Variants in P2RX1 observed in about 807,000 individuals in gnomAD.
The protein encoded by P2RX1 is purinergic receptor P2X 1.
P2RX1 carries 42 observed loss-of-function variants against 50.3 expected under a neutral mutation model. The observed-to-expected ratio is 0.83, with a 90% CI of 0.65 to 1.08. The LOEUF (loss-of-function observed/expected upper bound fraction) is 1.08, where lower values mean the gene tolerates loss of function less well. Ranked by LOEUF, P2RX1 falls within the 50% of genes least tolerant of loss-of-function variation. The pLI, the probability that P2RX1 is intolerant of heterozygous loss-of-function variation, is 0.00. For synonymous variants in P2RX1, 199 were observed against 202.6 expected (o/e 0.98, Z 0.15); for missense variants, 449 against 529.0 (o/e 0.85, Z 1.48).
chr17:3,898,871 A>G, intron 9 of P2RX1, 63 bp downstream of exon 9: 2 of 1,316,464 alleles, frequency 1.5e-6, no homozygotes, highest in East Asian at 2.3e-5. Context: ...GTAGATGCCC[A>G]AAGGTACTCA....
In P2RX1 at chr17:3,903,713, T is replaced by G. The variant is rs1228495115; in HGVS notation, c.525-82A>C. 5 of 1,480,858 alleles carry G rather than the reference T, an allele frequency of 3.4e-6. No individual in the cohort carries two copies. Among genetic ancestry groups the G allele is most frequent in the Non-Finnish European group, 3.8e-6 (4 of 1,064,902 alleles). 91.7% of individuals were successfully genotyped at this position (1,480,858 alleles called of 1,614,324 possible). ...ACACAGAGCTTGGCACAGCAGGGGG[T>G]GGGCCGAGCCTCCGGGACCCGCCTG... On this transcript the variant is annotated intron_variant, in intron 5 of 11. Transcript: ENST00000225538. This position sits in a 1 kb window ranked among gnomAD's most constrained non-coding sequence, Gnocchi z 4.6.
At chr17:3,911,383 T>A (rs1200418956) in intron 1 of P2RX1, among the ~76,000 whole-genome samples, 4 of 152,168 alleles carry the variant, frequency 2.6e-5, no homozygotes, top group African/African-American at 9.7e-5. Context: ...CACTTCCCAC[T>A]TCTCTTGAGA....
rs768159522 is a variant in P2RX1, at chr17:3,903,525, C to G, written c.605+26G>C. ...CGGAGCGGCCCCGGCCAGCTGCCTG[C>G]ATTTCTGCCCGAATTTCCCACGCAC... On this transcript the variant is annotated intron_variant, in intron 6 of 11. Coordinates refer to ENST00000225538, the MANE Select transcript of P2RX1 (RefSeq NM_002558.4). The surrounding 1 kb of genome is among the most constrained non-coding windows in gnomAD (Gnocchi z 4.6). The G allele has an allele frequency of 5.0e-6, 8 of 1,611,424 alleles. No homozygotes were observed. In the Admixed American group the frequency reaches 1.3e-4, roughly 27 times the overall value.
intron 1 of P2RX1, among the ~76,000 whole-genome samples, chr17:3,911,818 A>T (rs2056370246): frequency 6.6e-6 from 1 of 152,050 alleles, no homozygotes; most frequent in Admixed American, 6.6e-5. Flanking sequence ...CTTGGTTCAC[A>T]CTGTGTCCCG....
In P2RX1 at chr17:3,897,925, G is replaced by T. The variant is rs35119544; in HGVS notation, c.1135-46C>A. The T allele has an allele frequency of 3.1e-4, 493 of 1,611,642 alleles. No homozygotes were observed. In the African/African-American group the frequency reaches 5.8e-3, roughly 19 times the overall value. ...TTGGGGGATACAAGTCAGTGCTGGG[G>T]AAGCAGCTGCCCACGCCCCCCACCC... On this transcript the variant is annotated intron_variant, in intron 11 of 11. Coordinates refer to ENST00000225538, the MANE Select transcript of P2RX1 (RefSeq NM_002558.4).
In P2RX1 at chr17:3,897,999, G is replaced by T. The variant is rs200112505; in HGVS notation, c.1134+10C>A. ...GCCTTCGAAGGGCCTGGCTCGGGGG[G>T]TTCTCTTACCGCCCCTGGCCCCATG... On this transcript the variant is annotated intron_variant, in intron 11 of 11. Transcript: ENST00000225538. 1.2e-5 allele frequency: 20 copies of T among 1,613,154 alleles called. No homozygotes were observed. The highest frequency in any genetic ancestry group is 1.4e-5 in the Non-Finnish European group (17 of 1,179,424).
chr17:3,904,784 C>T, intron 3 of P2RX1, 74 bp downstream of exon 3: 1 of 1,177,482 alleles, frequency 8.5e-7, no homozygotes, highest in Non-Finnish European at 1.2e-6. Flanking sequence ...CCCTCCAGTG[C>T]CCCTGGAGAC....
chr17:3,912,064 T>A (rs1374022522), intron 1 of P2RX1, among the ~76,000 whole-genome samples: 1 of 152,138 alleles, frequency 6.6e-6, no homozygotes, highest in African/African-American at 2.4e-5. Context: ...TTCACCACTG[T>A]GAAGACAGAG....
Position 3,897,406 on chromosome 17 carries a change from A to G in P2RX1, c.*408T>C, listed in dbSNP as rs1312305991. The G allele has an allele frequency of 1.1e-5, 3 of 282,872 alleles. No homozygotes were observed. The highest frequency in any genetic ancestry group is 4.5e-5 in the Admixed American group (1 of 22,398). 17.5% of individuals were successfully genotyped at this position (282,872 alleles called of 1,614,324 possible). On this transcript the variant is annotated 3_prime_UTR_variant, in exon 12 of 12. Transcript: ENST00000225538. ...GCCGAGGAATTGAATTTTGTGTTTC[A>G]TTCTATTTTATTTTAGTTTAATTTA...
Position 3,914,939 on chromosome 17 carries a change from G to A in P2RX1, c.137+1150C>T, listed in dbSNP as rs1567660068. Among the ~76,000 whole-genome samples the A allele has an allele frequency of 1.3e-5, 2 of 152,144 alleles. No homozygotes were observed. The highest frequency in any genetic ancestry group is 2.4e-5 in the African/African-American group (1 of 41,434). On this transcript the variant is annotated intron_variant, in intron 1 of 11. Transcript: ENST00000225538. The surrounding 1 kb of genome is among the most constrained non-coding windows in gnomAD (Gnocchi z 4.1). ...CACCTGGCCGGCTCTGAGGTTCTGG[G>A]GACTGGTGGGACAGAAGGAGGGCTC...
Position 3,903,059 on chromosome 17 carries a change from G to A in P2RX1, c.747+143C>T. 1 of 1,138,272 alleles carries A rather than the reference G, an allele frequency of 8.8e-7. No individual in the cohort carries two copies. The highest frequency in any genetic ancestry group is 1.3e-6 in the Non-Finnish European group (1 of 787,374). The allele number at this position is 1,138,272 out of a possible 1,614,324, so 70.5% of individuals were successfully genotyped here. Reference sequence around the variant, plus strand: ...GCTGAAGACATGGATCTGACGCTCAGGGGGCCCCAGTATCAGGGGACAGAC... The same window carrying A: ...GCTGAAGACATGGATCTGACGCTCAAGGGGCCCCAGTATCAGGGGACAGAC... On this transcript the variant is annotated intron_variant, in intron 7 of 11. Coordinates refer to ENST00000225538, the MANE Select transcript of P2RX1 (RefSeq NM_002558.4). This position sits in a 1 kb window ranked among gnomAD's most constrained non-coding sequence, Gnocchi z 4.6.
intron 7 of P2RX1, among the ~76,000 whole-genome samples, chr17:3,900,189 G>A (rs1338744724): frequency 3.3e-5 from 5 of 150,410 alleles, no homozygotes; most frequent in South Asian, 2.1e-4. Context: ...GTGGTGGCTC[G>A]CACCTGTAAT....
chr17:3,912,213 C>G (rs2056377411), intron 1 of P2RX1, among the ~76,000 whole-genome samples: 1 of 152,214 alleles, frequency 6.6e-6, no homozygotes. Flanking sequence ...CTTACTCCTC[C>G]TGTGTCTTCA....
intron 7 of P2RX1, among the ~76,000 whole-genome samples, chr17:3,900,035 A>G (rs550081351): frequency 7.2e-5 from 11 of 152,236 alleles, no homozygotes; most frequent in African/African-American, 2.6e-4. Context: ...TGGGAGGCGG[A>G]GGTTGCAGTG....
chr17:3,909,477 C>T (rs1003427608), intron 1 of P2RX1, among the ~76,000 whole-genome samples: 2 of 152,198 alleles, frequency 1.3e-5, no homozygotes, highest in African/African-American at 4.8e-5. Flanking sequence ...TGAGCTGCCT[C>T]AGACACGCTG....
chr17:3,904,616 G>T, intron 3 of P2RX1: 1 of 631,584 alleles, frequency 1.6e-6, no homozygotes, highest in Non-Finnish European at 2.8e-6. Flanking sequence ...GCCAATGTCA[G>T]CTGGGCGGTG....
chr17:3,913,745 G>A (rs922489038), intron 1 of P2RX1, among the ~76,000 whole-genome samples: 3 of 152,302 alleles, frequency 2.0e-5, no homozygotes, highest in South Asian at 2.1e-4. Flanking sequence ...TCTGGGACAC[G>A]GGGGCCTGGC....
chr17:3,916,169 G>A lies in P2RX1; in HGVS notation c.57C>T (p.Pro19=), dbSNP rs1441602643. 6.2e-7 allele frequency: 1 copy of A among 1,613,378 alleles called. No homozygotes were observed. Among genetic ancestry groups the A allele is most frequent in the African/African-American group, 1.3e-5 (1 of 74,938 alleles). ...TCTTATTACGCACCAGCACCATGCGGGGGGTGTCATACTCGAAGAGGAAGG... is the reference window on the plus strand; with the variant it reads ...TCTTATTACGCACCAGCACCATGCGAGGGGTGTCATACTCGAAGAGGAAGG... ...LAAFLFEYDT[P]RMVLVRNKKV... is the part of the protein sequence containing the mutation. The change falls in exon 1 of 12, where the codon CCC becomes CCT. Residue 19 remains proline, a synonymous_variant. Coordinates refer to ENST00000225538, the MANE Select transcript of P2RX1 (RefSeq NM_002558.4).
chr17:3,900,912 G>A (rs1249375450), intron 7 of P2RX1, among the ~76,000 whole-genome samples: 2 of 152,126 alleles, frequency 1.3e-5, no homozygotes, highest in African/African-American at 4.8e-5. Flanking sequence ...TGGAGAAAGC[G>A]AAGCTCCTCT....
Sources: gnomAD v4.1 joint callset for allele counts (sites outside exome capture counted in the v4.1 genomes callset) on GRCh38, gnomAD v4.1.1 for gene constraint, Gnocchi (gnomAD v3.1) non-coding constraint, MANE v1.5 for transcripts, NCBI Gene and HGNC (gene_info 2026-07-23, HGNC 2026-07-21) for gene names.